The following PPFIA4 variants were observed in gnomAD, a reference collection of about 807,000 sequenced individuals.
PPFIA4 encodes the protein liprin-alpha-4.
In PPFIA4, 98 loss-of-function variants were observed where a neutral mutation model predicts 145.7. The ratio of observed to expected loss-of-function variants is 0.67; its 90% confidence interval spans 0.57 to 0.80. The LOEUF is 0.80. Ranked by LOEUF, PPFIA4 falls within the 30% of genes least tolerant of loss-of-function variation. PPFIA4 has a pLI of 0.00. For missense variants in PPFIA4, 1,457 were observed against 1,632.7 expected, an observed-to-expected ratio of 0.89 and a Z score of 1.85; for synonymous variants, 628 against 649.6, an observed-to-expected ratio of 0.97 and a Z score of 0.51.
chr1:203,048,929 C>T lies in PPFIA4; in HGVS notation c.1368C>T (p.Ile456=). The T allele has an allele frequency of 1.3e-6, 2 of 1,548,480 alleles. No individual in the cohort carries two copies. Among genetic ancestry groups the T allele is most frequent in the South Asian group, 2.4e-5 (2 of 83,974 alleles). ...CTGCTCTCCCCCAGAACACGTTGAT[C>T]CAGGAGTTGGAGAGCTCCCAGCGGC... ...MAALEEKNTL[I]QELESSQRQI... The change falls in exon 12 of 30, where the codon ATC becomes ATT. Residue 456 remains isoleucine (I), a synonymous_variant. Transcript: ENST00000295706. This position sits in a 1 kb window ranked among gnomAD's most constrained non-coding sequence, Gnocchi z 5.8.
At chr1:203,052,948 T>C (rs1278490869) in intron 14 of PPFIA4, among the ~76,000 whole-genome samples, 2 of 152,268 alleles carry the variant, frequency 1.3e-5, no homozygotes, top group Non-Finnish European at 2.9e-5. Context: ...TTTGAGTTTG[T>C]ATGGATGGAA....
At chr1:203,073,444 G>T (rs1288988137) in intron 28 of PPFIA4, among the ~76,000 whole-genome samples, 2 of 152,164 alleles carry the variant, frequency 1.3e-5, no homozygotes, top group Non-Finnish European at 1.5e-5. Context: ...GTGGGCTAGA[G>T]AGGAGGGTTT....
Position 203,044,362 on chromosome 1 carries a change from C to T in PPFIA4, c.502-17C>T, listed in dbSNP as rs1200722897. 1.7e-5 allele frequency: 27 copies of T among 1,550,104 alleles called. No homozygotes were observed. The highest frequency in any genetic ancestry group is 1.7e-5 in the Non-Finnish European group (19 of 1,146,574). On this transcript the variant is annotated splice_polypyrimidine_tract_variant and intron_variant, in intron 4 of 29. Transcript: ENST00000295706. Reference sequence around the variant, plus strand: ...GGGGTCCCCCTTTCTTCCTCCATCTCCCCTTACCTCGAGCAGGTGCGAGAG... The same window carrying T: ...GGGGTCCCCCTTTCTTCCTCCATCTTCCCTTACCTCGAGCAGGTGCGAGAG...
chr1:203,031,343 T>C (rs755612556), intron 1 of PPFIA4, among the ~76,000 whole-genome samples: 1 of 152,262 alleles, frequency 6.6e-6, no homozygotes, highest in Non-Finnish European at 1.5e-5. Context: ...CGAGGGCTTA[T>C]GCCCGAGGCA....
rs369736438 is a variant in PPFIA4 at position 203,046,318 on chromosome 1, G to T, written c.1076G>T (p.Arg359Leu). 6.3e-7 allele frequency: 1 copy of T among 1,594,598 alleles called. No homozygotes were observed. Among genetic ancestry groups the T allele is most frequent in the Non-Finnish European group, 8.5e-7 (1 of 1,171,348 alleles). ...GAGCAGAAGCTGCAGCAGACGATGC[G>T]CAAGGCAGAGACGCTGCCAGAGGTG... ...VAEQKLQQTM[R>L]KAETLPEVEA... Residue 359 changes from arginine to leucine, a missense_variant, in exon 9 of 30, where the codon CGC becomes CTC. Arg to Leu is a moderately radical substitution (Grantham distance 102). Transcript: ENST00000295706.
In PPFIA4 at chr1:203,076,492, T is replaced by C; in HGVS notation, c.*102T>C. 8.5e-7 allele frequency: 1 copy of C among 1,178,162 alleles called. No individual in the cohort carries two copies. The highest frequency in any genetic ancestry group is 1.2e-6 in the Non-Finnish European group (1 of 804,588). The allele number at this position is 1,178,162 out of a possible 1,614,324, so 73.0% of individuals were successfully genotyped here. ...CTTCCTTCCGCAGCTCCTAGTCTCG[T>C]CCGTGACTTTCCGGTTGCCCTGGAT... is the stretch of plus-strand genomic sequence containing the variant. On this transcript the variant is annotated 3_prime_UTR_variant, in exon 30 of 30. Coordinates refer to ENST00000295706, the MANE Select transcript of PPFIA4 (RefSeq NM_001304331.2).
At position 203,055,397 on chromosome 1, in the gene PPFIA4, G is replaced by A; in HGVS notation, c.1830-35G>A. Reference sequence around the variant, plus strand: ...CTGCCTCCTGCTGGTCCTGGCTGGGGCTAGTGGTGAGGTCTGGTTTTGCCT... The same window carrying A: ...CTGCCTCCTGCTGGTCCTGGCTGGGACTAGTGGTGAGGTCTGGTTTTGCCT... On this transcript the variant is annotated intron_variant, in intron 15 of 29. Transcript: ENST00000295706. This position sits in a 1 kb window ranked among gnomAD's most constrained non-coding sequence, Gnocchi z 4.8. 1 of 1,611,252 alleles carries A rather than the reference G, an allele frequency of 6.2e-7. No homozygotes were observed. Among genetic ancestry groups the A allele is most frequent in the Non-Finnish European group, 8.5e-7 (1 of 1,177,588 alleles).
In PPFIA4 at chr1:203,059,808, C is replaced by T. The variant is rs768588629; in HGVS notation, c.2540C>T (p.Pro847Leu). The T allele has an allele frequency of 1.2e-6, 2 of 1,613,486 alleles. No individual in the cohort carries two copies. The highest frequency in any genetic ancestry group is 2.2e-5 in the East Asian group (1 of 44,862). The part of the protein sequence containing the change: ...LLEDARRKGM[P>L]FAQWDGPTVV... The stretch of plus-strand genomic sequence containing the variant: ...GAAGATGCCCGCAGGAAAGGAATGC[C>T]CTTTGCCCAGTGGGATGGTCCTACT... The change falls in exon 21 of 30, where the codon CCC becomes CTC. Residue 847 changes from proline to leucine, a missense_variant. Coordinates refer to ENST00000295706, the MANE Select transcript of PPFIA4 (RefSeq NM_001304331.2).
chr1:203,076,307 C>G, intron 29 of PPFIA4, 34 bp from the exon 30 acceptor site: 1 of 1,595,414 alleles, frequency 6.3e-7, no homozygotes, highest in Non-Finnish European at 8.5e-7. Context: ...CAACCTGCCT[C>G]ACAGTGCGAT....
intron 1 of PPFIA4, among the ~76,000 whole-genome samples, chr1:203,026,880 C>G (rs1025142498): frequency 5.3e-5 from 8 of 152,160 alleles, no homozygotes; most frequent in African/African-American, 1.9e-4. Flanking sequence ...GGAGTGCGCC[C>G]TCTGCTCCAT....
intron 14 of PPFIA4, among the ~76,000 whole-genome samples, chr1:203,053,207 A>G (rs1411052347): frequency 1.3e-5 from 2 of 152,230 alleles, no homozygotes; most frequent in African/African-American, 4.8e-5. Flanking sequence ...CAGTTAGAGC[A>G]GTATTTCTTA....
At chr1:203,058,515 G>A (rs1661132816) in intron 19 of PPFIA4, among the ~76,000 whole-genome samples, 1 of 152,178 alleles carries the variant, frequency 6.6e-6, no homozygotes, top group Non-Finnish European at 1.5e-5. Flanking sequence ...CTCCACACAC[G>A]TTGGCACCTA....
chr1:203,076,175 C>A, intron 29 of PPFIA4, 166 bp from the exon 30 acceptor site: 1 of 759,688 alleles, frequency 1.3e-6, no homozygotes, highest in South Asian at 1.7e-5. Context: ...GCTCCAGTCC[C>A]GCTTACCAGC....
chr1:203,044,638 G>T, intron 5 of PPFIA4, 58 bp from the exon 6 acceptor site: 1 of 1,489,562 alleles, frequency 6.7e-7, no homozygotes, highest in East Asian at 2.5e-5. Flanking sequence ...GAAGGGTCTG[G>T]AATGTATGGG....
At chr1:203,046,154 T>G (rs746650746) in intron 8 of PPFIA4, 94 bp from the exon 9 acceptor site, 128 of 1,543,142 alleles carry the variant, frequency 8.3e-5, no homozygotes, top group Non-Finnish European at 1.1e-4. Flanking sequence ...CCCTTGCTGC[T>G]TCTGACCTGT....
At position 203,068,748 on chromosome 1, in the gene PPFIA4, T is replaced by G. The variant is rs1180616156; in HGVS notation, c.3324+120T>G. Reference sequence around the variant, plus strand: ...GGGGGTGGGGAGCTTTTCTAGGGCCTATGCCAGAGGGGATCGCAATGTCCT... The same window carrying G: ...GGGGGTGGGGAGCTTTTCTAGGGCCGATGCCAGAGGGGATCGCAATGTCCT... On this transcript the variant is annotated intron_variant, in intron 27 of 29. Transcript: ENST00000295706. The surrounding 1 kb of genome is among the most constrained non-coding windows in gnomAD (Gnocchi z 4.7). 9.4e-7 allele frequency: 1 copy of G among 1,058,844 alleles called. No homozygotes were observed. Among genetic ancestry groups the G allele is most frequent in the Non-Finnish European group, 1.3e-6 (1 of 776,194 alleles). 65.6% of individuals were successfully genotyped at this position (1,058,844 alleles called of 1,614,324 possible). A position where few individuals can be genotyped will look rare whatever the true frequency, so the allele number is the denominator to read the frequency against.
In PPFIA4 at chr1:203,055,158, A is replaced by G. The variant is rs1178933846; in HGVS notation, c.1830-274A>G. 6.6e-6 allele frequency among the ~76,000 whole-genome samples: 1 copy of G among 152,210 alleles called. No individual in the cohort carries two copies. The highest frequency in any genetic ancestry group is 1.5e-5 in the Non-Finnish European group (1 of 68,028). ...AAAATACCTGACTCAAGGCCACCCTATAGTTAGGGGTATGTCAAGAATTCT... is the reference window on the plus strand; with the variant it reads ...AAAATACCTGACTCAAGGCCACCCTGTAGTTAGGGGTATGTCAAGAATTCT... On this transcript the variant is annotated intron_variant, in intron 15 of 29. Transcript: ENST00000295706. The surrounding 1 kb of genome is among the most constrained non-coding windows in gnomAD (Gnocchi z 4.8).
At position 203,045,841 on chromosome 1, in the gene PPFIA4, GC is replaced by G; in HGVS notation, c.860del (p.Ala287ValfsTer129). On this transcript the variant is annotated frameshift_variant and splice_region_variant, in exon 8 of 30. Coordinates refer to ENST00000295706, the MANE Select transcript of PPFIA4 (RefSeq NM_001304331.2). LOFTEE classifies it high-confidence loss of function. ...TCCTTCTTGTCCCCTCTTCTCCCAGGCTCTGGCCCAGAAGGAGGACATGGAA... is the reference window on the plus strand; with the variant it reads ...TCCTTCTTGTCCCCTCTTCTCCCAGGTCTGGCCCAGAAGGAGGACATGGAA... ...SSKHQRDLRE[A>X]LAQKEDMEER... 3.7e-6 allele frequency: 6 copies of G among 1,612,846 alleles called. No individual in the cohort carries two copies. The highest frequency in any genetic ancestry group is 5.1e-6 in the Non-Finnish European group (6 of 1,179,866).
intron 28 of PPFIA4, among the ~76,000 whole-genome samples, chr1:203,074,419 C>T (rs1169799369): frequency 6.6e-6 from 1 of 150,570 alleles, no homozygotes; most frequent in Non-Finnish European, 1.5e-5. Flanking sequence ...ATGAGACCAC[C>T]ACTGTATATG....
Sources: gnomAD v4.1 joint callset for allele counts (sites outside exome capture counted in the v4.1 genomes callset) on GRCh38, gnomAD v4.1.1 for gene constraint, Gnocchi (gnomAD v3.1) non-coding constraint, MANE v1.5 for transcripts, NCBI Gene and HGNC (gene_info 2026-07-23, HGNC 2026-07-21) for gene names.